KAZN: variants seen among roughly 807,000 people sequenced by gnomAD.
The protein encoded by KAZN is kazrin.
Under a neutral mutation model 87.4 loss-of-function variants are expected in KAZN, and 40 were observed. The observed-to-expected ratio is 0.46, with a 90% CI of 0.36 to 0.60. The LOEUF (loss-of-function observed/expected upper bound fraction) is 0.60, where lower values mean the gene tolerates loss of function less well. KAZN is among the 20% of genes least tolerant of loss of function. The pLI, the probability that KAZN is intolerant of heterozygous loss-of-function variation, is 0.00. For missense variants in KAZN, 898 were observed against 1,073.9 expected (o/e 0.84, Z 2.29); for synonymous variants, 466 against 458.3 (o/e 1.02, Z -0.22).
intron 2 of KAZN, among the ~76,000 whole-genome samples, chr1:14,528,213 G>A (rs747118541): frequency 6.6e-6 from 1 of 150,978 alleles, no homozygotes; most frequent in Non-Finnish European, 1.5e-5. Context: ...TGGTGCACAC[G>A]GGTAGTCCCA....
chr1:14,948,700 T>C (rs1030078894), intron 1 of KAZN, among the ~76,000 whole-genome samples: 1 of 152,104 alleles, frequency 6.6e-6, no homozygotes, highest in Non-Finnish European at 1.5e-5. Flanking sequence ...CTGGATGAGG[T>C]GGCCTCTCAG....
At chr1:14,880,483 G>T (rs527250407) in intron 1 of KAZN, among the ~76,000 whole-genome samples, 3 of 152,274 alleles carry the variant, frequency 2.0e-5, no homozygotes, top group Non-Finnish European at 4.4e-5. Flanking sequence ...TGGGTTTTGT[G>T]GGTCAGGGAA....
chr1:14,025,473 T>G (rs888939896), intron 1 of KAZN, among the ~76,000 whole-genome samples: 9 of 152,176 alleles, frequency 5.9e-5, no homozygotes, highest in African/African-American at 9.7e-5. Flanking sequence ...AAGACAAGCT[T>G]TGTTCTGACC....
intron 2 of KAZN, among the ~76,000 whole-genome samples, chr1:14,479,795 C>A (rs1195393833): frequency 6.6e-6 from 1 of 152,124 alleles, no homozygotes; most frequent in South Asian, 2.1e-4. Context: ...GGAGGCGTTG[C>A]CAAATGGATG....
In KAZN at chr1:14,828,496, C is replaced by A. The variant is rs78938378; in HGVS notation, c.227-132188C>A. 2.7e-3 allele frequency among the ~76,000 whole-genome samples: 407 copies of A among 152,270 alleles called. 2 individuals are homozygous for A. The highest frequency in any genetic ancestry group is 8.8e-3 in the African/African-American group (367 of 41,532). On this transcript the variant is annotated intron_variant, in intron 1 of 14. Coordinates refer to ENST00000376030, the MANE Select transcript of KAZN (RefSeq NM_201628.3). ...CTGGCCTAAGAGGAGGGTGCATGAG[C>A]TCTGGGATTGATTCTCTGCTCAACG...
chr1:14,916,840 G>A (rs1000220136), intron 1 of KAZN, among the ~76,000 whole-genome samples: 3 of 152,026 alleles, frequency 2.0e-5, no homozygotes, highest in Admixed American at 6.6e-5. Context: ...CTTGAGCCCA[G>A]GAGTTTGAGG....
chr1:14,528,200 T>A (rs1672003712), intron 2 of KAZN, among the ~76,000 whole-genome samples: 2 of 151,152 alleles, frequency 1.3e-5, no homozygotes, highest in Non-Finnish European at 2.9e-5. Flanking sequence ...TAGCTGGGTG[T>A]GGTGGTGCAC....
At chr1:14,894,334 C>T (rs914896838) in intron 1 of KAZN, among the ~76,000 whole-genome samples, 44 of 152,202 alleles carry the variant, frequency 2.9e-4, no homozygotes, top group African/African-American at 9.9e-4. Context: ...CACTAACTCC[C>T]GCTTTATAAC....
intron 2 of KAZN, among the ~76,000 whole-genome samples, chr1:14,983,423 A>G (rs976277367): frequency 1.3e-5 from 2 of 151,834 alleles, no homozygotes; most frequent in Non-Finnish European, 2.9e-5. Context: ...GGTTGGCAAA[A>G]CCCCTAAAGT....
intron 1 of KAZN, among the ~76,000 whole-genome samples, chr1:13,963,879 A>T (rs910805274): frequency 3.3e-5 from 5 of 151,670 alleles, no homozygotes; most frequent in Non-Finnish European, 7.4e-5. Flanking sequence ...CCTGTGTTTT[A>T]ATCCTACTTC....
chr1:13,915,466 C>T (rs891801163), intron 1 of KAZN, among the ~76,000 whole-genome samples: 7 of 152,192 alleles, frequency 4.6e-5, no homozygotes, highest in African/African-American at 1.7e-4. Flanking sequence ...AATGCTTGGG[C>T]ACTTTGGGGC....
At chr1:14,125,883 C>T (rs1644854012) in intron 1 of KAZN, among the ~76,000 whole-genome samples, 1 of 147,812 alleles carries the variant, frequency 6.8e-6, no homozygotes, top group Non-Finnish European at 1.5e-5. Context: ...CAACAAAGAT[C>T]AGGGCAGGAT....
At chr1:14,669,661 C>T (rs1175309354) in intron 1 of KAZN, among the ~76,000 whole-genome samples, 1 of 152,092 alleles carries the variant, frequency 6.6e-6, no homozygotes, top group South Asian at 2.1e-4. Flanking sequence ...ATGGGAGGAT[C>T]GCTTGAGCCC....
At chr1:14,694,869 G>C (rs1242806893) in intron 1 of KAZN, among the ~76,000 whole-genome samples, 1 of 152,186 alleles carries the variant, frequency 6.6e-6, no homozygotes, top group Non-Finnish European at 1.5e-5. Flanking sequence ...TAATTTCTGT[G>C]TAATCTATAT....
chr1:14,435,563 T>C (rs1571640225), intron 2 of KAZN, among the ~76,000 whole-genome samples: 2 of 152,132 alleles, frequency 1.3e-5, no homozygotes, highest in East Asian at 3.9e-4. Context: ...CTCCCATTCC[T>C]TTGCCCCTGC....
At chr1:14,263,218 A>G (rs1433918001) in intron 2 of KAZN, among the ~76,000 whole-genome samples, 2 of 152,202 alleles carry the variant, frequency 1.3e-5, no homozygotes, top group Admixed American at 6.5e-5. Flanking sequence ...ATAAACCACA[A>G]ACCCCTAGGT....
Position 14,108,754 on chromosome 1 carries a change from C to T in KAZN, c.92-71681C>T, listed in dbSNP as rs373602771. On this transcript the variant is annotated intron_variant, in intron 1 of 16. Transcript: ENST00000636203. Reference sequence around the variant, plus strand: ...CATTTGTTCCTTTTCTGAAGCATAACGTTAACACTCCCCCAAGCATGCACG... The same window carrying T: ...CATTTGTTCCTTTTCTGAAGCATAATGTTAACACTCCCCCAAGCATGCACG... 3.3e-5 allele frequency among the ~76,000 whole-genome samples: 5 copies of T among 152,192 alleles called. No homozygotes were observed. In the East Asian group the frequency reaches 9.7e-4, roughly 29 times the overall value.
intron 1 of KAZN, among the ~76,000 whole-genome samples, chr1:14,864,279 T>G (rs1321692134): frequency 1.3e-5 from 2 of 152,180 alleles, no homozygotes; most frequent in Non-Finnish European, 2.9e-5. Context: ...ATGGTTCACA[T>G]GGGGGCCGGG....
chr1:14,290,837 T>G (rs1038188995), intron 2 of KAZN, among the ~76,000 whole-genome samples: 1 of 152,270 alleles, frequency 6.6e-6, no homozygotes, highest in African/African-American at 2.4e-5. Flanking sequence ...TGGTCTTTGA[T>G]GTTGGTGAAC....
Sources: gnomAD v4.1 joint callset for allele counts (sites outside exome capture counted in the v4.1 genomes callset) on GRCh38, gnomAD v4.1.1 for gene constraint, MANE v1.5 for transcripts, NCBI Gene and HGNC (gene_info 2026-07-23, HGNC 2026-07-21) for gene names.